CPEB1: variants seen among roughly 807,000 people sequenced by gnomAD.
CPEB1 encodes the protein cytoplasmic polyadenylation element-binding protein 1.
In CPEB1, 7 loss-of-function variants were observed where a neutral mutation model predicts 65.8. That is an observed-to-expected ratio of 0.11 (90% CI 0.06 to 0.20). CPEB1 has a LOEUF of 0.20. Ranked by LOEUF, CPEB1 falls within the 10% of genes least tolerant of loss-of-function variation. The pLI is 1.00. For missense variants in CPEB1, 551 were observed against 712.2 expected (o/e 0.77, Z 2.58); for synonymous variants, 262 against 260.0 (o/e 1.01, Z -0.08).
In CPEB1 at chr15:82,594,149, TC is replaced by T. The variant is rs2042485812; in HGVS notation, c.272-22618del. ...TTTGAAGCCAGAAACTGACTTTTCC[TC>T]TCTAGCTAGGAAAGTCCTAGATGGC... On this transcript the variant is annotated intron_variant, in intron 3 of 12. Transcript: ENST00000684509. Among the ~76,000 whole-genome samples the T allele has an allele frequency of 2.0e-5, 3 of 152,290 alleles. No individual in the cohort carries two copies. In the South Asian group the frequency reaches 6.2e-4, roughly 32 times the overall value.
intron 1 of CPEB1, among the ~76,000 whole-genome samples, chr15:82,635,653 T>C (rs1055266858): frequency 1.3e-5 from 2 of 151,814 alleles, no homozygotes; most frequent in Non-Finnish European, 2.9e-5. Context: ...ATTACAGATA[T>C]GTATATATAA....
intron 3 of CPEB1, among the ~76,000 whole-genome samples, chr15:82,617,270 C>A (rs554944764): frequency 6.6e-6 from 1 of 152,314 alleles, no homozygotes; most frequent in South Asian, 2.1e-4. Context: ...GAGCAGTACT[C>A]CTTTGCATTT....
At chr15:82,596,741 G>GCA (rs886796461) in intron 3 of CPEB1, among the ~76,000 whole-genome samples, 1 of 149,158 alleles carries the variant, frequency 6.7e-6, no homozygotes, top group Non-Finnish European at 1.5e-5. Flanking sequence ...ATTATTTATA[G>GCA]CAAGAAGATA....
At chr15:82,607,154 G>T (rs1401476976) in intron 3 of CPEB1, among the ~76,000 whole-genome samples, 1 of 118,876 alleles carries the variant, frequency 8.4e-6, no homozygotes, top group East Asian at 2.4e-4. Flanking sequence ...CAGAAAAATG[G>T]CAGGTGTATA....
intron 3 of CPEB1, among the ~76,000 whole-genome samples, chr15:82,613,466 C>T (rs2044379400): frequency 6.6e-6 from 1 of 151,916 alleles, no homozygotes; most frequent in Non-Finnish European, 1.5e-5. Context: ...TGGCTCACTG[C>T]AATCTCCACC....
intron 3 of CPEB1, among the ~76,000 whole-genome samples, chr15:82,584,336 CT>C (rs1435957706): frequency 6.8e-6 from 1 of 147,120 alleles, no homozygotes; most frequent in Non-Finnish European, 1.5e-5. Flanking sequence ...TTTTACCTGT[CT>C]AAATTATTGG....
intron 6 of CPEB1, among the ~76,000 whole-genome samples, chr15:82,555,424 A>C (rs1391818135): frequency 6.6e-6 from 1 of 152,206 alleles, no homozygotes; most frequent in Non-Finnish European, 1.5e-5. Context: ...GACTATACCA[A>C]TCAGAAAGCC....
Position 82,557,861 on chromosome 15 carries a change from G to T in CPEB1, c.586C>A (p.Arg196Ser), listed in dbSNP as rs762664847. The T allele has an allele frequency of 5.6e-6, 9 of 1,614,002 alleles. No homozygotes were observed. The South Asian group carries it at 9.9e-5, about 18-fold the overall frequency. The part of the protein sequence containing the change: ...KFPAPSVRGS[R>S]LDTRPILDSR... Reference sequence around the variant, plus strand: ...TCCAGGATGGGCCGGGTGTCCAGGCGTGATCCTCTAACTGAGGGTGCTGGA... The same window carrying T: ...TCCAGGATGGGCCGGGTGTCCAGGCTTGATCCTCTAACTGAGGGTGCTGGA... Residue 196 changes from arginine to serine, a missense_variant, in exon 5 of 13, where the codon CGC becomes AGC. By Grantham distance (110) the Arg-to-Ser change is moderately radical. Transcript: ENST00000684509.
chr15:82,579,911 T>G (rs1596058351), intron 3 of CPEB1, among the ~76,000 whole-genome samples: 1 of 79,656 alleles, frequency 1.3e-5, no homozygotes, highest in Non-Finnish European at 2.3e-5. Flanking sequence ...AGAGTGAGAC[T>G]CCGTCTCAAA....
intron 3 of CPEB1, among the ~76,000 whole-genome samples, chr15:82,599,505 T>G (rs771974776): frequency 1.3e-5 from 2 of 152,186 alleles, no homozygotes; most frequent in South Asian, 4.1e-4. Flanking sequence ...ATAGAACTAC[T>G]AGTCCAAATT....
chr15:82,637,913 G>A (rs1306294592), intron 1 of CPEB1: 1 of 423,822 alleles, frequency 2.4e-6, no homozygotes, highest in Non-Finnish European at 4.8e-6. Context: ...AAAAGGGGTA[G>A]ATTTATTAAC....
intron 3 of CPEB1, among the ~76,000 whole-genome samples, chr15:82,600,193 G>A (rs1453398931): frequency 2.0e-5 from 3 of 152,178 alleles, no homozygotes; most frequent in East Asian, 1.9e-4. Flanking sequence ...GAGAGAAAAA[G>A]GTTTCAAAGG....
intron 4 of CPEB1, among the ~76,000 whole-genome samples, chr15:82,569,154 C>T (rs2039627940): frequency 6.6e-6 from 1 of 152,170 alleles, no homozygotes; most frequent in Non-Finnish European, 1.5e-5. Flanking sequence ...GCTGCATGTT[C>T]CCGCATTGCT....
At chr15:82,577,995 C>A in intron 3 of CPEB1, among the ~76,000 whole-genome samples, 1 of 152,060 alleles carries the variant, frequency 6.6e-6, no homozygotes, top group East Asian at 1.9e-4. Flanking sequence ...AAAAAATTAG[C>A]CGGGCATGGT....
chr15:82,582,659 T>C (rs551146781), intron 3 of CPEB1, among the ~76,000 whole-genome samples: 24 of 152,064 alleles, frequency 1.6e-4, no homozygotes, highest in African/African-American at 5.3e-4. Context: ...TGTTTTATCA[T>C]TAAGTTAGCA....
At chr15:82,609,556 C>A (rs993867524) in intron 3 of CPEB1, among the ~76,000 whole-genome samples, 1 of 150,510 alleles carries the variant, frequency 6.6e-6, no homozygotes, top group African/African-American at 2.4e-5. Context: ...AACATTCTAC[C>A]TAAAGAAACT....
In CPEB1 at chr15:82,562,892, TAAA is replaced by T. The variant is rs370431442; in HGVS notation, c.461-4909_461-4907del. On this transcript the variant is annotated intron_variant, in intron 4 of 12. Transcript: ENST00000684509. ...AAATACAGTTCTCACACTAAAATGG[TAAA>T]TACTTAAGAGAAAAAAAAGGCATCA... Among the ~76,000 whole-genome samples the T allele has an allele frequency of 2.9e-4, 44 of 149,424 alleles. No individual in the cohort carries two copies. In the East Asian group the frequency reaches 6.3e-3, roughly 21 times the overall value.
At chr15:82,563,314 A>G (rs971985552) in intron 4 of CPEB1, among the ~76,000 whole-genome samples, 3 of 151,528 alleles carry the variant, frequency 2.0e-5, no homozygotes, top group Non-Finnish European at 4.4e-5. Flanking sequence ...GACTAAAGTT[A>G]ACTGTTTTGT....
At chr15:82,630,964 C>T (rs1040779564) in intron 1 of CPEB1, among the ~76,000 whole-genome samples, 2 of 152,094 alleles carry the variant, frequency 1.3e-5, no homozygotes, top group African/African-American at 4.8e-5. Context: ...ATATGGACTA[C>T]ATGGATTCCA....
Sources: gnomAD v4.1 joint callset for allele counts (sites outside exome capture counted in the v4.1 genomes callset) on GRCh38, gnomAD v4.1.1 for gene constraint, MANE v1.5 for transcripts, NCBI Gene and HGNC (gene_info 2026-07-23, HGNC 2026-07-21) for gene names.